KCNQ3: variants seen among roughly 807,000 people sequenced by gnomAD.
KCNQ3 encodes the protein potassium voltage-gated channel subfamily KQT member 3.
KCNQ3 carries 30 observed loss-of-function variants against 92.5 expected under a neutral mutation model. The ratio of observed to expected loss-of-function variants is 0.32; its 90% CI spans 0.24 to 0.44. The LOEUF (loss-of-function observed/expected upper bound fraction) is 0.44, where lower values mean the gene tolerates loss of function less well. Ranked by LOEUF, KCNQ3 falls within the 20% of genes least tolerant of loss-of-function variation. The pLI is 1.00. For missense variants in KCNQ3, 913 were observed against 1,140.3 expected (o/e 0.80, Z 2.87); for synonymous variants, 450 against 468.8 (o/e 0.96, Z 0.52).
chr8:132,252,690 A>G (rs576995563), intron 1 of KCNQ3, among the ~76,000 whole-genome samples: 2 of 152,232 alleles, frequency 1.3e-5, no homozygotes, highest in African/African-American at 4.8e-5. Context: ...ACAATCCTTT[A>G]GCTACACACA....
chr8:132,458,514 G>A (rs965778590), intron 1 of KCNQ3, among the ~76,000 whole-genome samples: 1 of 152,182 alleles, frequency 6.6e-6, no homozygotes, highest in African/African-American at 2.4e-5. Flanking sequence ...GAGTGCAGTG[G>A]CACAATCACG....
At chr8:132,315,463 G>C (rs906832622) in intron 1 of KCNQ3, among the ~76,000 whole-genome samples, 1 of 152,156 alleles carries the variant, frequency 6.6e-6, no homozygotes, top group Non-Finnish European at 1.5e-5. Context: ...TCACGTAGCT[G>C]AAGGAGCTGA....
chr8:132,467,654 C>T (rs1182508236), intron 1 of KCNQ3, among the ~76,000 whole-genome samples: 3 of 152,310 alleles, frequency 2.0e-5, no homozygotes, highest in African/African-American at 7.2e-5. Context: ...AAACAAACAC[C>T]TCACCTCACA....
intron 1 of KCNQ3, among the ~76,000 whole-genome samples, chr8:132,324,368 T>C (rs1452563794): frequency 6.6e-6 from 1 of 152,142 alleles, no homozygotes; most frequent in Non-Finnish European, 1.5e-5. Flanking sequence ...ATCCCTAATC[T>C]CTAAGCACAA....
intron 1 of KCNQ3, among the ~76,000 whole-genome samples, chr8:132,217,948 G>A (rs1199389392): frequency 1.3e-5 from 2 of 152,156 alleles, no homozygotes; most frequent in African/African-American, 4.8e-5. Flanking sequence ...AAAACAGTTT[G>A]TTCTCCTAAG....
intron 1 of KCNQ3, among the ~76,000 whole-genome samples, chr8:132,387,976 G>A (rs956351965): frequency 1.9e-5 from 2 of 107,574 alleles, no homozygotes; most frequent in African/African-American, 4.4e-5. Flanking sequence ...AGAAGGAGGA[G>A]AAGAGGAAGA....
At chr8:132,180,132 C>G (rs1383504462) in intron 4 of KCNQ3, 25 bp downstream of exon 4, 1 of 1,613,338 alleles carries the variant, frequency 6.2e-7, no homozygotes, top group African/African-American at 1.3e-5. Context: ...CCCATGTGGT[C>G]CTGCAGTTTC....
At chr8:132,341,385 G>A (rs1818523864) in intron 1 of KCNQ3, among the ~76,000 whole-genome samples, 1 of 152,124 alleles carries the variant, frequency 6.6e-6, no homozygotes, top group South Asian at 2.1e-4. Flanking sequence ...CCAGTCAAAT[G>A]TCCCCTCTTT....
chr8:132,182,735 T>C (rs1449213462), intron 3 of KCNQ3, among the ~76,000 whole-genome samples: 1 of 151,998 alleles, frequency 6.6e-6, no homozygotes, highest in Non-Finnish European at 1.5e-5. Flanking sequence ...AAAATAAGTC[T>C]GCTTAATTGT....
chr8:132,342,378 T>C (rs1818558046), intron 1 of KCNQ3, among the ~76,000 whole-genome samples: 2 of 152,042 alleles, frequency 1.3e-5, no homozygotes, highest in African/African-American at 4.8e-5. Flanking sequence ...CCATCAAATT[T>C]CCCCAATTCT....
At position 132,140,106 on chromosome 8, in the gene KCNQ3, G is replaced by A. The variant is rs768520561; in HGVS notation, c.1538C>T (p.Pro513Leu). 3 of 1,608,858 alleles carry A rather than the reference G, an allele frequency of 1.9e-6. No homozygotes were observed. The highest frequency in any genetic ancestry group is 2.5e-6 in the Non-Finnish European group (3 of 1,177,740). Residue 513 changes from proline (P) to leucine (L), a missense_variant, in exon 11 of 15, where the codon CCC becomes CTC. Pro to Leu is a moderately conservative substitution (Grantham distance 98). Coordinates refer to ENST00000388996, the MANE Select transcript of KCNQ3 (RefSeq NM_004519.4). ...GGCTCGGATGGCGGCCTTCAGGGTG[G>A]GGATCATGTCTTCGATGGGGAAGTC... ...GNDFPIEDMI[P>L]TLKAAIRAVR...
Position 132,168,715 on chromosome 8 carries a change from ATATGTGTGTGTGTGTG to A in KCNQ3, c.1235+1603_1235+1618del, listed in dbSNP as rs1174508431. Among the ~76,000 whole-genome samples, 1,036 of 134,496 alleles carry A rather than the reference ATATGTGTGTGTGTGTG, an allele frequency of 7.7e-3. 20 individuals are homozygous for A. Among genetic ancestry groups the A allele is most frequent in the African/African-American group, 0.028 (1,000 of 35,232 alleles). The allele number at this position is 134,496 out of a possible 152,430, so 88.2% of individuals were successfully genotyped here. On this transcript the variant is annotated intron_variant, in intron 8 of 14. Transcript: ENST00000388996. ...TAGAAAGAGAAATTGAGGATAATGAATATGTGTGTGTGTGTGTGTGTGTGTGTGTGTGTGTGTGTGT... is the reference window on the plus strand; with the variant it reads ...TAGAAAGAGAAATTGAGGATAATGAATGTGTGTGTGTGTGTGTGTGTGTGT...
rs73710507 is a variant in KCNQ3, at chr8:132,278,361, T to C, written c.387-92180A>G. Among the ~76,000 whole-genome samples the C allele has an allele frequency of 4.0e-3, 603 of 152,314 alleles. 3 individuals are homozygous for C. The highest frequency in any genetic ancestry group is 0.013 in the African/African-American group (561 of 41,572). ...AACAAGATTAATCCCACAATCAGCA[T>C]TGTCCTCAAGGAAACATCTACCAGT... is the stretch of plus-strand genomic sequence containing the variant. On this transcript the variant is annotated intron_variant, in intron 1 of 14. Coordinates refer to ENST00000388996, the MANE Select transcript of KCNQ3 (RefSeq NM_004519.4).
intron 1 of KCNQ3, among the ~76,000 whole-genome samples, chr8:132,318,736 G>C (rs2130630079): frequency 6.6e-6 from 1 of 152,318 alleles, no homozygotes; most frequent in Middle Eastern, 3.4e-3. Flanking sequence ...GAAGGGAACG[G>C]ATGTGATGTG....
At position 132,441,450 on chromosome 8, in the gene KCNQ3, A is replaced by G. The variant is rs538390996; in HGVS notation, c.386+38697T>C. On this transcript the variant is annotated intron_variant, in intron 1 of 14. Transcript: ENST00000388996. ...GCACCTGTAGTCCCAGCTACCCGGG[A>G]GGCTGAGGCAGGAGAATGGCGTGAA... Among the ~76,000 whole-genome samples, 432 of 152,288 alleles carry G rather than the reference A, an allele frequency of 2.8e-3. 1 individual carries two copies. Among genetic ancestry groups the G allele is most frequent in the Middle Eastern group, 0.01 (3 of 294 alleles).
intron 9 of KCNQ3, among the ~76,000 whole-genome samples, chr8:132,144,749 C>T (rs1207717205): frequency 2.0e-5 from 3 of 152,158 alleles, no homozygotes; most frequent in African/African-American, 7.2e-5. Context: ...GTGAACTCGA[C>T]CTGGGAAAAT....
chr8:132,430,238 C>T (rs1297612161), intron 1 of KCNQ3, among the ~76,000 whole-genome samples: 2 of 152,204 alleles, frequency 1.3e-5, no homozygotes, highest in African/African-American at 2.4e-5. Context: ...TTAACAAAGA[C>T]TAGCCTCGTT....
At chr8:132,199,882 C>G (rs1342945610) in intron 1 of KCNQ3, among the ~76,000 whole-genome samples, 2 of 149,894 alleles carry the variant, frequency 1.3e-5, no homozygotes, top group Non-Finnish European at 2.9e-5. Context: ...TGCACTCCAG[C>G]CTGGGTGACA....
At chr8:132,358,773 C>G (rs1340127731) in intron 1 of KCNQ3, among the ~76,000 whole-genome samples, 1 of 152,128 alleles carries the variant, frequency 6.6e-6, no homozygotes, top group African/African-American at 2.4e-5. Flanking sequence ...TGAGATTATA[C>G]ATGAATTTGT....
Sources: allele counts gnomAD v4.1 joint callset (sites outside exome capture counted in the v4.1 genomes callset), GRCh38; gene constraint gnomAD v4.1.1; transcripts MANE v1.5; gene names NCBI Gene and HGNC (gene_info 2026-07-23, HGNC 2026-07-21).